The following IFT140 variants were observed in gnomAD, a reference collection of about 807,000 sequenced individuals.
The protein encoded by IFT140 is intraflagellar transport protein 140 homolog.
A neutral mutation model predicts 164.6 loss-of-function variants in IFT140; 133 were observed. That is an observed-to-expected ratio of 0.81 (90% CI 0.70 to 0.93). The LOEUF is 0.93. IFT140 is among the 40% of genes least tolerant of loss of function. IFT140 has a pLI of 0.00. For synonymous variants in IFT140, 860 were observed against 817.3 expected (o/e 1.05, Z -0.89); for missense variants, 2,045 against 1,972.3 (o/e 1.04, Z -0.70).
rs2030426148 is a variant in IFT140, at chr16:1,531,016, C to G, written c.2400-4220G>C. On this transcript the variant is annotated intron_variant, in intron 19 of 30. Coordinates refer to ENST00000426508, the MANE Select transcript of IFT140 (RefSeq NM_014714.4). The surrounding 1 kb of genome is among the most constrained non-coding windows in gnomAD (Gnocchi z 4.7). ...CGCCAGAAGCGTCCAGACCCAGGCGCTCTCTGCAAGCTCCTTCCACAGCCA... is the reference window on the plus strand; with the variant it reads ...CGCCAGAAGCGTCCAGACCCAGGCGGTCTCTGCAAGCTCCTTCCACAGCCA... 1 of 152,316 alleles carries G rather than the reference C, an allele frequency of 6.6e-6. No homozygotes were observed. Among genetic ancestry groups the G allele is most frequent in the African/African-American group, 2.4e-5 (1 of 41,474 alleles). The allele number at this position is 152,316 out of a possible 1,614,324, so 9.4% of individuals were successfully genotyped here.
chr16:1,515,220 G>C (rs1219977837), intron 30 of IFT140, among the ~76,000 whole-genome samples: 1 of 152,062 alleles, frequency 6.6e-6, no homozygotes, highest in East Asian at 1.9e-4. Flanking sequence ...AAAACACCTA[G>C]GAACATCATT....
At chr16:1,600,364 C>T (rs2035729106) in intron 4 of IFT140, among the ~76,000 whole-genome samples, 2 of 143,058 alleles carry the variant, frequency 1.4e-5, no homozygotes, top group African/African-American at 2.6e-5. Flanking sequence ...CCTTTGTTCA[C>T]TTGTTTATCT....
intron 1 of IFT140, among the ~76,000 whole-genome samples, chr16:1,611,658 C>T (rs1372045802): frequency 1.3e-5 from 2 of 151,500 alleles, no homozygotes; most frequent in African/African-American, 4.9e-5. Context: ...GTACTAAAAA[C>T]ACACAAATTA....
intron 4 of IFT140, 112 bp downstream of exon 4, chr16:1,602,257 AG>A: frequency 1.1e-6 from 1 of 934,624 alleles, no homozygotes. Flanking sequence ...GCATCTGACA[AG>A]ATCAACTGAA....
intron 19 of IFT140, among the ~76,000 whole-genome samples, chr16:1,530,133 C>CTTTTTTTTTTTTTTTGTTTTTTTT (rs2030300360): frequency 1.1e-5 from 1 of 88,598 alleles, no homozygotes; most frequent in Non-Finnish European, 2.0e-5. Context: ...CGACGGGAAT[C>CTTTTTTTTTTTTTTTGTTTTTTTT]TTTTTTTTTT....
intron 4 of IFT140, among the ~76,000 whole-genome samples, chr16:1,596,347 T>C (rs913310651): frequency 3.9e-5 from 6 of 152,206 alleles, no homozygotes; most frequent in African/African-American, 1.4e-4. Context: ...TTGTTTTGTT[T>C]TGATTTTTTG....
intron 19 of IFT140, among the ~76,000 whole-genome samples, chr16:1,539,074 G>C (rs1392179877): frequency 2.0e-5 from 3 of 150,920 alleles, no homozygotes; most frequent in Non-Finnish European, 2.9e-5. Context: ...GCCTCAGCAA[G>C]CTGCACAGTG....
rs2033713423 is a variant in IFT140, at chr16:1,566,295, G to A, written c.1771-4C>T. On this transcript the variant is annotated splice_polypyrimidine_tract_variant and splice_region_variant and intron_variant, in intron 15 of 30. Transcript: ENST00000426508. Reference sequence around the variant, plus strand: ...TGGAATCAGGGCTGTTGTCAGCCTAGGAGAAGAGAAAACCAGAAAGCTCAC... The same window carrying A: ...TGGAATCAGGGCTGTTGTCAGCCTAAGAGAAGAGAAAACCAGAAAGCTCAC... The A allele has an allele frequency of 6.2e-7, 1 of 1,613,008 alleles. No individual in the cohort carries two copies. Among genetic ancestry groups the A allele is most frequent in the African/African-American group, 1.3e-5 (1 of 75,038 alleles).
chr16:1,566,230 ACG>A lies in IFT140; in HGVS notation c.1830_1831del (p.Val611LeufsTer2). On this transcript the variant is annotated frameshift_variant, in exon 16 of 31. Coordinates refer to ENST00000426508, the MANE Select transcript of IFT140 (RefSeq NM_014714.4). LOFTEE classifies it high-confidence loss of function. ...AATTTGTCCAGTCTTGAAGTCAAAG[ACG>A]GTCACTGTGTCCATTTCAACATCGT... is the stretch of plus-strand genomic sequence containing the variant. The A allele has an allele frequency of 6.2e-7, 1 of 1,613,936 alleles. No individual in the cohort carries two copies. The highest frequency in any genetic ancestry group is 8.5e-7 in the Non-Finnish European group (1 of 1,179,822).
At position 1,553,831 on chromosome 16, in the gene IFT140, T is replaced by A; in HGVS notation, c.2399+4104A>T. 8.3e-7 allele frequency: 1 copy of A among 1,209,540 alleles called. No individual in the cohort carries two copies. Among genetic ancestry groups the A allele is most frequent in the Non-Finnish European group, 1.1e-6 (1 of 950,768 alleles). The allele number at this position is 1,209,540 out of a possible 1,614,324, so 74.9% of individuals were successfully genotyped here. A position where few individuals can be genotyped will look rare whatever the true frequency, so the allele number is the denominator to read the frequency against. ...AGCTGGATTAGGACGCCCGGCTCCA[T>A]CGCTGCGGCCACAGTGTCCTGTTAT... On this transcript the variant is annotated intron_variant, in intron 19 of 30. Coordinates refer to ENST00000426508, the MANE Select transcript of IFT140 (RefSeq NM_014714.4). The surrounding 1 kb of genome is among the most constrained non-coding windows in gnomAD (Gnocchi z 4.4).
chr16:1,524,990 T>G (rs2040641114), intron 22 of IFT140, 74 bp from the exon 23 acceptor site: 2 of 1,374,052 alleles, frequency 1.5e-6, no homozygotes, highest in Non-Finnish European at 1.9e-6. Flanking sequence ...ACCCCGCCCC[T>G]GTGCCACCCT....
rs747510464 is a variant in IFT140 at position 1,583,377 on chromosome 16, C to T, written c.1369G>A (p.Ala457Thr). 27 of 1,613,964 alleles carry T rather than the reference C, an allele frequency of 1.7e-5. No homozygotes were observed. The highest frequency in any genetic ancestry group is 3.3e-4 in the Middle Eastern group (2 of 6,062). Reference sequence around the variant, plus strand: ...GCCACCTGCCTTCCGTTCCAGACTGCGACAGCATCCTGAAAAGAACCACGG... The same window carrying T: ...GCCACCTGCCTTCCGTTCCAGACTGTGACAGCATCCTGAAAAGAACCACGG... ...SGVFATKDAVAVWNGRQVAIF... is the reference protein window; with the variant it reads ...SGVFATKDAVTVWNGRQVAIF... Residue 457 changes from alanine to threonine, a missense_variant, in exon 12 of 31, where the codon GCA (alanine) becomes ACA (threonine). Coordinates refer to ENST00000426508, the MANE Select transcript of IFT140 (RefSeq NM_014714.4).
rs78400651 is a variant in IFT140, at chr16:1,564,754, C to G, written c.1902-592G>C. 1.7e-3 allele frequency among the ~76,000 whole-genome samples: 254 copies of G among 152,310 alleles called. 3 individuals are homozygous for G. Among genetic ancestry groups the G allele is most frequent in the East Asian group, 0.013 (65 of 5,182 alleles). ...GGAGGCCTATGAGCCTCATTCGCCG[C>G]CCCCAGGGTGTCACGAACCCAGGCT... On this transcript the variant is annotated intron_variant, in intron 16 of 30. Transcript: ENST00000426508. The surrounding 1 kb of genome is among the most constrained non-coding windows in gnomAD (Gnocchi z 5.5).
intron 13 of IFT140, among the ~76,000 whole-genome samples, chr16:1,573,084 A>C (rs1440253537): frequency 6.6e-6 from 1 of 152,214 alleles, no homozygotes; most frequent in Non-Finnish European, 1.5e-5. Flanking sequence ...AGGAGCCTGC[A>C]CAGTGTGTTT....
intron 2 of IFT140, among the ~76,000 whole-genome samples, chr16:1,607,605 C>T (rs1364750262): frequency 1.3e-5 from 2 of 152,198 alleles, no homozygotes; most frequent in Admixed American, 6.5e-5. Context: ...TCCTCAGTAA[C>T]TTTCATTCCA....
At chr16:1,519,032 G>A (rs751985236) in intron 29 of IFT140, among the ~76,000 whole-genome samples, 3 of 152,120 alleles carry the variant, frequency 2.0e-5, no homozygotes, top group East Asian at 3.8e-4. Flanking sequence ...GCCCTCACAC[G>A]TCGTCTCCCC....
chr16:1,592,984 T>C (rs1394924414), intron 4 of IFT140, among the ~76,000 whole-genome samples: 1 of 147,730 alleles, frequency 6.8e-6, no homozygotes, highest in Non-Finnish European at 1.5e-5. Flanking sequence ...GAGTGACTGG[T>C]GGAGGGACAG....
intron 13 of IFT140, among the ~76,000 whole-genome samples, chr16:1,573,369 C>T (rs1006440902): frequency 3.9e-5 from 6 of 152,138 alleles, no homozygotes; most frequent in Admixed American, 2.0e-4. Flanking sequence ...GGGTTCAGAT[C>T]TGAGCTCAAC....
chr16:1,604,423 G>C (rs966765987), intron 3 of IFT140: 1 of 152,318 alleles, frequency 6.6e-6, no homozygotes, highest in Non-Finnish European at 1.5e-5. Flanking sequence ...AGGTGGCACA[G>C]CATGTGCAGG....
Sources: gnomAD v4.1 joint callset for allele counts (sites outside exome capture counted in the v4.1 genomes callset) on GRCh38, gnomAD v4.1.1 for gene constraint, Gnocchi (gnomAD v3.1) non-coding constraint, MANE v1.5 for transcripts, NCBI Gene and HGNC (gene_info 2026-07-23, HGNC 2026-07-21) for gene names.